Variants in GTF3C2 observed in about 807,000 individuals in gnomAD.
The protein encoded by GTF3C2 is general transcription factor 3C polypeptide 2.
In GTF3C2, 17 loss-of-function variants were observed where a neutral mutation model predicts 117.4. That is an observed-to-expected ratio of 0.14 (90% CI 0.10 to 0.22). The LOEUF (loss-of-function observed/expected upper bound fraction) is 0.22, where lower values mean the gene tolerates loss of function less well. Ranked by LOEUF, GTF3C2 falls within the 10% of genes least tolerant of loss-of-function variation. The probability of loss-of-function intolerance (pLI) is 1.00; values close to 1 mark genes in which losing one functional copy is unlikely to be tolerated. For missense variants in GTF3C2, 888 were observed against 1,143.6 expected, an observed-to-expected ratio of 0.78 and a Z score of 3.22; for synonymous variants, 437 against 427.0, an observed-to-expected ratio of 1.02 and a Z score of -0.29.
intron 9 of GTF3C2, 34 bp downstream of exon 9, chr2:27,335,883 T>C (rs1309211026): frequency 7.1e-7 from 1 of 1,403,896 alleles, no homozygotes; most frequent in African/African-American, 1.4e-5. Flanking sequence ...TGGCTTTGAG[T>C]CCTAGGGCCA....
chr2:27,343,303 C>G lies in GTF3C2; in HGVS notation c.247+5G>C. On this transcript the variant is annotated splice_donor_5th_base_variant and intron_variant, in intron 2 of 18. Coordinates refer to ENST00000264720, the Ensembl canonical transcript of GTF3C2. ...AATAAAAAGATAAGAGGACAAGGTA[C>G]ATACCTGGCTGTTCCAGTCTGGAGA... The G allele has an allele frequency of 6.2e-7, 1 of 1,613,568 alleles. No homozygotes were observed. The highest frequency in any genetic ancestry group is 8.5e-7 in the Non-Finnish European group (1 of 1,179,656).
rs1343658669 is a variant in GTF3C2, at chr2:27,329,445, T to G, written c.1811A>C (p.Tyr604Ser). The change falls in exon 13 of 19, where the codon TAC becomes TCC. Residue 604 changes from tyrosine to serine, a missense_variant. Transcript: ENST00000264720. This position sits in a 1 kb window ranked among gnomAD's most constrained non-coding sequence, Gnocchi z 4.5. Reference sequence around the variant, plus strand: ...ATGGGCTAGGAAACACTGGAAGGGGTAGAGCTTTAAGGAGCCATCAGAGAG... The same window carrying G: ...ATGGGCTAGGAAACACTGGAAGGGGGAGAGCTTTAAGGAGCCATCAGAGAG... 6.2e-7 allele frequency: 1 copy of G among 1,613,798 alleles called. No individual in the cohort carries two copies. The highest frequency in any genetic ancestry group is 1.1e-5 in the South Asian group (1 of 91,072).
intron 1 of GTF3C2, chr2:27,356,534 A>G: frequency 4.6e-6 from 1 of 219,230 alleles, no homozygotes; most frequent in East Asian, 9.4e-5. Flanking sequence ...AGGCTTGCAG[A>G]GATGGGGGGT....
chr2:27,343,022 C>T, exon 3 of GTF3C2: 3 of 1,614,148 alleles, frequency 1.9e-6, no homozygotes, highest in Non-Finnish European at 1.7e-6. Flanking sequence ...AGACCAGGAA[C>T]CAGTGGGGCT....
Position 27,329,659 on chromosome 2 carries a change from A to T in GTF3C2, c.1733-136T>A. On this transcript the variant is annotated intron_variant, in intron 12 of 18. Transcript: ENST00000264720. The surrounding 1 kb of genome is among the most constrained non-coding windows in gnomAD (Gnocchi z 4.5). ...ACTATGAAAGGATGTGGGGATCCTG[A>T]TTAGCTATCCAACACTCCCTCCAGG... 3.9e-6 allele frequency: 3 copies of T among 771,586 alleles called. No homozygotes were observed. Among genetic ancestry groups the T allele is most frequent in the Non-Finnish European group, 6.3e-6 (3 of 473,190 alleles). The allele number at this position is 771,586 out of a possible 1,614,324, so 47.8% of individuals were successfully genotyped here. A position where few individuals can be genotyped will look rare whatever the true frequency, so the allele number is the denominator to read the frequency against.
At chr2:27,337,941 T>A in exon 5 of GTF3C2, 1 of 1,601,564 alleles carries the variant, frequency 6.2e-7, no homozygotes, top group Non-Finnish European at 8.6e-7. Context: ...CTTGGTGAGA[T>A]GGAGGCACTT....
intron 1 of GTF3C2, 28 bp from the exon 2 acceptor site, chr2:27,343,606 GAGGACAAA>G: frequency 1.3e-6 from 2 of 1,590,242 alleles, no homozygotes; most frequent in South Asian, 2.2e-5. Context: ...CAAATGAGTA[GAGGACAAA>G]AACTATTTGT....
At chr2:27,332,701 A>C (rs947369913) in intron 12 of GTF3C2, among the ~76,000 whole-genome samples, 1 of 151,750 alleles carries the variant, frequency 6.6e-6, no homozygotes, top group African/African-American at 2.4e-5. Flanking sequence ...GGCGTGAGCC[A>C]CCGTGCCCGG....
At chr2:27,343,384 C>G in exon 2 of GTF3C2, 2 of 1,614,048 alleles carry the variant, frequency 1.2e-6, no homozygotes, top group Non-Finnish European at 1.7e-6. Flanking sequence ...CAAATCCAGG[C>G]AAAGGGGTAG....
rs1213888963 is a variant in GTF3C2 at position 27,329,429 on chromosome 2, G to A, written c.1827C>T (p.Phe609=). The stretch of plus-strand genomic sequence containing the variant: ...TACGCACAGCCTGGTCATGGGCTAG[G>A]AAACACTGGAAGGGGTAGAGCTTTA... The change falls in exon 13 of 19, where the codon TTC becomes TTT. Residue 609 remains phenylalanine, a synonymous_variant. Transcript: ENST00000264720. This position sits in a 1 kb window ranked among gnomAD's most constrained non-coding sequence, Gnocchi z 4.5. 3.5e-5 allele frequency: 57 copies of A among 1,614,136 alleles called. No homozygotes were observed. Among genetic ancestry groups the A allele is most frequent in the Non-Finnish European group, 4.7e-5 (55 of 1,180,008 alleles).
At chr2:27,356,087 C>T in intron 1 of GTF3C2, 2 of 1,288,454 alleles carry the variant, frequency 1.6e-6, no homozygotes, top group African/African-American at 1.5e-5. Context: ...TTGTCCATAC[C>T]CTATACATCC....
intron 16 of GTF3C2, 128 bp downstream of exon 16, chr2:27,328,340 C>A: frequency 6.5e-6 from 7 of 1,081,518 alleles, no homozygotes; most frequent in Non-Finnish European, 9.8e-6. Context: ...AGATTATATA[C>A]AACTCTGTGC....
intron 4 of GTF3C2, chr2:27,339,987 A>AG (rs1680663632): frequency 2.8e-5 from 1 of 35,270 alleles, no homozygotes; most frequent in Non-Finnish European, 5.0e-5. Context: ...ACTCTGTTTC[A>AG]AAAAAAAAAA....
intron 1 of GTF3C2, among the ~76,000 whole-genome samples, chr2:27,353,790 A>G (rs1681225506): frequency 6.6e-6 from 1 of 152,126 alleles, no homozygotes; most frequent in Non-Finnish European, 1.5e-5. Context: ...TGCGATGATC[A>G]TGGCTCACTG....
intron 1 of GTF3C2, among the ~76,000 whole-genome samples, chr2:27,353,525 G>C (rs1005202389): frequency 6.6e-6 from 1 of 151,732 alleles, no homozygotes; most frequent in African/African-American, 2.4e-5. Flanking sequence ...CGCTGCCTCC[G>C]CCTCTGGGGT....
In GTF3C2 at chr2:27,329,275, G is replaced by A. The variant is rs1572562980; in HGVS notation, c.1885C>T (p.Leu629Phe). ...TTCCGGTCACTCCCCGCAGAGACAAGGAAATGGCTGTAAAAAGACGGGAGA... is the reference window on the plus strand; with the variant it reads ...TTCCGGTCACTCCCCGCAGAGACAAAGAAATGGCTGTAAAAAGACGGGAGA... Residue 629 changes from leucine (L) to phenylalanine (F), a missense_variant, in exon 14 of 19, where the codon CTT becomes TTT. Coordinates refer to ENST00000264720, the Ensembl canonical transcript of GTF3C2. This position sits in a 1 kb window ranked among gnomAD's most constrained non-coding sequence, Gnocchi z 4.5. 1 of 1,614,200 alleles carries A rather than the reference G, an allele frequency of 6.2e-7. No individual in the cohort carries two copies. The highest frequency in any genetic ancestry group is 8.5e-7 in the Non-Finnish European group (1 of 1,180,020).
intron 15 of GTF3C2, 107 bp from the exon 16 acceptor site, chr2:27,328,703 C>G (rs1680176221): frequency 2.7e-6 from 3 of 1,116,294 alleles, no homozygotes; most frequent in Non-Finnish European, 4.0e-6. Context: ...AATGAGTTTA[C>G]CATAACCGAC....
chr2:27,335,656 C>G, exon 10 of GTF3C2: 1 of 1,561,934 alleles, frequency 6.4e-7, no homozygotes, highest in Non-Finnish European at 8.7e-7. Flanking sequence ...GCAGTACTTT[C>G]CCGTCTGAGC....
chr2:27,348,533 C>T (rs773741132), intron 1 of GTF3C2, among the ~76,000 whole-genome samples: 52 of 152,166 alleles, frequency 3.4e-4, no homozygotes, highest in South Asian at 1.0e-3. Context: ...GGACCAGGTA[C>T]AGGCTCATGC....
Sources: gnomAD v4.1 joint callset for allele counts (sites outside exome capture counted in the v4.1 genomes callset) on GRCh38, gnomAD v4.1.1 for gene constraint, Gnocchi (gnomAD v3.1) non-coding constraint, MANE v1.5 for transcripts, NCBI Gene and HGNC (gene_info 2026-07-23, HGNC 2026-07-21) for gene names.